PRKCA: variants seen among roughly 807,000 people sequenced by gnomAD.
PRKCA encodes the protein protein kinase C alpha, also known as protein kinase C alpha type.
In PRKCA, 27 loss-of-function variants were observed where a neutral mutation model predicts 87.0. The observed-to-expected ratio is 0.31, with a 90% CI of 0.23 to 0.43. The LOEUF (loss-of-function observed/expected upper bound fraction) is 0.43. PRKCA is among the 20% of genes least tolerant of loss of function. PRKCA has a pLI of 1.00. For missense variants in PRKCA, 518 were observed against 852.3 expected, an observed-to-expected ratio of 0.61 and a Z score of 4.88; for synonymous variants, 329 against 311.1, an observed-to-expected ratio of 1.06 and a Z score of -0.61.
At chr17:66,659,131 AT>A (rs147150340) in intron 5 of PRKCA, among the ~76,000 whole-genome samples, 1,720 of 152,156 alleles carry the variant, frequency 0.011, 30 homozygotes, top group African/African-American at 0.039. Context: ...CAGCTCTGGC[AT>A]TTTGTTGAGA....
At position 66,469,928 on chromosome 17, in the gene PRKCA, A is replaced by T. The variant is rs1389548668; in HGVS notation, c.206-26273A>T. On this transcript the variant is annotated intron_variant, in intron 2 of 16. Coordinates refer to ENST00000413366, the MANE Select transcript of PRKCA (RefSeq NM_002737.3). ...TATCCACAAACTTAGAGCACTGCGA[A>T]GGAAACAGTTGGGTTAGCGTTTTAT... 2.6e-5 allele frequency among the ~76,000 whole-genome samples: 4 copies of T among 152,324 alleles called. No individual in the cohort carries two copies. The East Asian group carries it at 7.7e-4, about 29-fold the overall frequency.
intron 3 of PRKCA, among the ~76,000 whole-genome samples, chr17:66,623,063 T>G (rs1238618568): frequency 1.3e-5 from 2 of 152,204 alleles, no homozygotes; most frequent in Non-Finnish European, 2.9e-5. Context: ...AGGACAGACA[T>G]TAGGACAGTT....
intron 2 of PRKCA, among the ~76,000 whole-genome samples, chr17:66,330,207 G>A (rs547549307): frequency 6.6e-6 from 1 of 151,364 alleles, no homozygotes; most frequent in East Asian, 2.0e-4. Flanking sequence ...CTGCATTCAA[G>A]AGATTCTCCT....
intron 2 of PRKCA, among the ~76,000 whole-genome samples, chr17:66,399,078 G>A (rs996467625): frequency 2.1e-5 from 2 of 95,054 alleles, no homozygotes; most frequent in Non-Finnish European, 4.6e-5. Context: ...GTGGTAGACA[G>A]CATTTTCTTT....
At chr17:66,405,430 G>A (rs937456223) in intron 2 of PRKCA, among the ~76,000 whole-genome samples, 4 of 152,152 alleles carry the variant, frequency 2.6e-5, no homozygotes, top group African/African-American at 9.7e-5. Context: ...CCACTCCCCT[G>A]TGATGCTCTC....
intron 16 of PRKCA, among the ~76,000 whole-genome samples, chr17:66,795,201 G>A (rs1419243256): frequency 5.9e-5 from 9 of 152,168 alleles, no homozygotes; most frequent in African/African-American, 1.2e-4. Flanking sequence ...ATGTAGTGCA[G>A]GGGCTCTGCA....
At chr17:66,346,284 A>T (rs1440209443) in intron 2 of PRKCA, among the ~76,000 whole-genome samples, 1 of 151,690 alleles carries the variant, frequency 6.6e-6, no homozygotes, top group East Asian at 1.9e-4. Flanking sequence ...TTTTTAGTAG[A>T]GACAGGGTTT....
At chr17:66,707,941 C>A (rs1973230155) in intron 8 of PRKCA, among the ~76,000 whole-genome samples, 1 of 152,180 alleles carries the variant, frequency 6.6e-6, no homozygotes, top group African/African-American at 2.4e-5. Context: ...CCTGATGTAA[C>A]ATGGCTTTTA....
chr17:66,313,902 C>T (rs1188862006), intron 2 of PRKCA, among the ~76,000 whole-genome samples: 3 of 152,236 alleles, frequency 2.0e-5, no homozygotes, highest in South Asian at 2.1e-4. Flanking sequence ...CAGATTATAA[C>T]GGTGATTAGA....
chr17:66,579,858 T>TAAAAA (rs1219127406), intron 3 of PRKCA, among the ~76,000 whole-genome samples: 2 of 151,932 alleles, frequency 1.3e-5, no homozygotes, highest in East Asian at 3.9e-4. Context: ...AGAGAGGAAT[T>TAAAAA]ATACACCGAA....
intron 2 of PRKCA, among the ~76,000 whole-genome samples, chr17:66,390,336 A>G (rs374306178): frequency 2.0e-5 from 3 of 152,336 alleles, no homozygotes; most frequent in African/African-American, 4.8e-5. Flanking sequence ...TTTGGCTGCA[A>G]TAGTCAAAAT....
chr17:66,529,381 C>T (rs972287803), intron 3 of PRKCA, among the ~76,000 whole-genome samples: 1 of 152,174 alleles, frequency 6.6e-6, no homozygotes, highest in African/African-American at 2.4e-5. Context: ...CTTCATCTTA[C>T]CTCCAGCACT....
chr17:66,386,050 G>A (rs1910044342), intron 2 of PRKCA, among the ~76,000 whole-genome samples: 2 of 152,192 alleles, frequency 1.3e-5, no homozygotes, highest in Admixed American at 6.5e-5. Flanking sequence ...GAGAGCCACC[G>A]CGCCCAGCCA....
At chr17:66,584,988 G>A (rs1362012295) in intron 3 of PRKCA, among the ~76,000 whole-genome samples, 5 of 151,952 alleles carry the variant, frequency 3.3e-5, no homozygotes, top group Admixed American at 2.6e-4. Context: ...GCAAGAGAAA[G>A]AGGAAAGCTC....
At chr17:66,626,036 G>A (rs887736667) in intron 3 of PRKCA, among the ~76,000 whole-genome samples, 1 of 152,220 alleles carries the variant, frequency 6.6e-6, no homozygotes, top group Non-Finnish European at 1.5e-5. Flanking sequence ...CATCCTTTTA[G>A]GAAAGATGGA....
At chr17:66,610,564 G>A (rs1970331589) in intron 3 of PRKCA, among the ~76,000 whole-genome samples, 1 of 152,174 alleles carries the variant, frequency 6.6e-6, no homozygotes, top group Non-Finnish European at 1.5e-5. Context: ...AATTCCAAGG[G>A]ATTAGCTCTG....
At chr17:66,379,660 G>A (rs1419432910) in intron 2 of PRKCA, among the ~76,000 whole-genome samples, 1 of 152,116 alleles carries the variant, frequency 6.6e-6, no homozygotes, top group African/African-American at 2.4e-5. Flanking sequence ...TTTTCTTATT[G>A]TTGGTATCAT....
At chr17:66,765,943 G>T (rs914186130) in intron 13 of PRKCA, among the ~76,000 whole-genome samples, 2 of 152,142 alleles carry the variant, frequency 1.3e-5, no homozygotes, top group Non-Finnish European at 2.9e-5. Context: ...AGATCTTCAG[G>T]ACCTCCCGTG....
chr17:66,346,222 G>A (rs1165805761), intron 2 of PRKCA, among the ~76,000 whole-genome samples: 3 of 150,580 alleles, frequency 2.0e-5, no homozygotes, highest in East Asian at 2.0e-4. Flanking sequence ...TCAACCTCTC[G>A]AGTAGCTGGG....
Sources: allele counts gnomAD v4.1 joint callset (sites outside exome capture counted in the v4.1 genomes callset), GRCh38; gene constraint gnomAD v4.1.1; transcripts MANE v1.5; gene names NCBI Gene and HGNC (gene_info 2026-07-23, HGNC 2026-07-21).